STX11: variants seen among roughly 807,000 people sequenced by gnomAD.
STX11 encodes syntaxin 11.
STX11 carries 21 observed loss-of-function variants against 19.9 expected under a neutral mutation model. That is an observed-to-expected ratio of 1.06 (90% CI 0.75 to 1.52). The LOEUF is 1.52. Ranked by LOEUF, STX11 falls within the 40% of genes most tolerant of loss-of-function variation. The pLI, the probability that STX11 is intolerant of heterozygous loss-of-function variation, is 0.00. For synonymous variants in STX11, 193 were observed against 174.4 expected, an observed-to-expected ratio of 1.11 and a Z score of -0.84; for missense variants, 438 against 405.9, an observed-to-expected ratio of 1.08 and a Z score of -0.68.
the STX11 span, among the ~76,000 whole-genome samples, chr6:144,143,513 G>T: frequency 6.6e-6 from 1 of 152,184 alleles, no homozygotes; most frequent in African/African-American, 2.4e-5. Flanking sequence ...ACCAGGAAGG[G>T]AGAGAGAGAC....
At position 144,172,722 on chromosome 6, in the gene STX11, G is replaced by A. The variant is rs1801671577; in HGVS notation, c.-5-13901G>A. On this transcript the variant is annotated intron_variant, in intron 1 of 1. Transcript: ENST00000367568. This position sits in a 1 kb window ranked among gnomAD's most constrained non-coding sequence, Gnocchi z 4.2. ...TTAGCCTCGAAGTCTAGAGACTTATGCCTGATCTGCATGAGATCTAGATAC... is the reference window on the plus strand; with the variant it reads ...TTAGCCTCGAAGTCTAGAGACTTATACCTGATCTGCATGAGATCTAGATAC... Among the ~76,000 whole-genome samples the A allele has an allele frequency of 6.6e-6, 1 of 152,156 alleles. No individual in the cohort carries two copies. The highest frequency in any genetic ancestry group is 2.4e-5 in the African/African-American group (1 of 41,418).
intron 1 of STX11, among the ~76,000 whole-genome samples, chr6:144,161,560 C>T (rs1166254301): frequency 1.3e-5 from 2 of 152,062 alleles, no homozygotes; most frequent in African/African-American, 4.8e-5. Context: ...TAGAGACGAG[C>T]TTTCACCATG....
At chr6:144,145,902 G>A (rs1032309867), upstream of STX11, among the ~76,000 whole-genome samples, 5 of 152,178 alleles carry the variant, frequency 3.3e-5, no homozygotes, top group Non-Finnish European at 5.9e-5. Context: ...CAATGTGAAC[G>A]TACCTGTATT....
In STX11 at chr6:144,186,982, G is replaced by C. The variant is rs866658690; in HGVS notation, c.355G>C (p.Gly119Arg). ...GAGCGAGGCGGCTGAGGCCCAGCAC[G>C]GCCCGCACTCGGCAGTGGCGCGCAT... ...ELSEAAEAQHGPHSAVARISR... is the reference protein window; with the variant it reads ...ELSEAAEAQHRPHSAVARISR... Residue 119 changes from glycine to arginine, a missense_variant, in exon 2 of 2, where the codon GGC (glycine) becomes CGC (arginine). By Grantham distance (125) the Gly-to-Arg change is moderately radical. Coordinates refer to ENST00000367568, the MANE Select transcript of STX11 (RefSeq NM_003764.4). 1.9e-6 allele frequency: 3 copies of C among 1,609,112 alleles called. No homozygotes were observed. Among genetic ancestry groups the C allele is most frequent in the Admixed American group, 1.7e-5 (1 of 59,934 alleles).
Position 144,169,873 on chromosome 6 carries a change from A to G in STX11, c.-5-16750A>G, listed in dbSNP as rs1338255885. On this transcript the variant is annotated intron_variant, in intron 1 of 1. Coordinates refer to ENST00000367568, the MANE Select transcript of STX11 (RefSeq NM_003764.4). This position sits in a 1 kb window ranked among gnomAD's most constrained non-coding sequence, Gnocchi z 5.2. ...GCTTTTGTTTGTTTTTTGTAGAGCC[A>G]TAGTCTCACTATGTTGCTAGTATTG... Among the ~76,000 whole-genome samples, 2 of 152,090 alleles carry G rather than the reference A, an allele frequency of 1.3e-5. No homozygotes were observed. Among genetic ancestry groups the G allele is most frequent in the African/African-American group, 4.8e-5 (2 of 41,418 alleles).
the STX11 span, chr6:144,140,771 G>C: frequency 3.0e-6 from 3 of 985,312 alleles, no homozygotes; most frequent in Non-Finnish European, 3.6e-6. Context: ...ATGGATGAAG[G>C]GGAGGAAGAA....
At chr6:144,164,963 C>T (rs1463561323) in intron 1 of STX11, among the ~76,000 whole-genome samples, 1 of 151,966 alleles carries the variant, frequency 6.6e-6, no homozygotes, top group Non-Finnish European at 1.5e-5. Flanking sequence ...TCCCAAAGTG[C>T]TGGGATTACA....
At chr6:144,166,032 C>T (rs368326412) in intron 1 of STX11, among the ~76,000 whole-genome samples, 3 of 152,298 alleles carry the variant, frequency 2.0e-5, no homozygotes, top group Admixed American at 6.5e-5. Flanking sequence ...TATTAGCAGC[C>T]GTAGGAGTAT....
the STX11 span, chr6:144,140,681 G>A: frequency 1.1e-3 from 965 of 898,014 alleles, 9 homozygotes; most frequent in African/African-American, 0.016. Context: ...TAAACCATCC[G>A]TGAAGAAGGA....
chr6:144,181,492 G>A (rs1297036112), intron 1 of STX11, among the ~76,000 whole-genome samples: 1 of 151,320 alleles, frequency 6.6e-6, no homozygotes, highest in African/African-American at 2.4e-5. Context: ...CTACATGGGA[G>A]GCTGAGGCAG....
rs573623375 is a variant in STX11, at chr6:144,177,872, T to C, written c.-5-8751T>C. 6.6e-6 allele frequency among the ~76,000 whole-genome samples: 1 copy of C among 152,354 alleles called. No homozygotes were observed. Among genetic ancestry groups the C allele is most frequent in the East Asian group, 1.9e-4 (1 of 5,188 alleles). On this transcript the variant is annotated intron_variant, in intron 1 of 1. Coordinates refer to ENST00000367568, the MANE Select transcript of STX11 (RefSeq NM_003764.4). This position sits in a 1 kb window ranked among gnomAD's most constrained non-coding sequence, Gnocchi z 4.4. ...TTATTTCAGAGAGTTAATAATTTTA[T>C]GGATTTTTTTTAAAGTTGTGGTGAC...
chr6:144,186,807 C>G lies in STX11; in HGVS notation c.180C>G (p.Ala60=). ...AGGATGAAAACCAGCTGCTGGTGGC[C>G]GACGTGAAGCGGCTGGGAAAGCAGA... ...DIQDENQLLV[A]DVKRLGKQNA... The change falls in exon 2 of 2, where the codon GCC becomes GCG. Residue 60 remains alanine (A), a synonymous_variant. Transcript: ENST00000367568. 6.2e-6 allele frequency: 10 copies of G among 1,613,720 alleles called. No homozygotes were observed. Among genetic ancestry groups the G allele is most frequent in the Non-Finnish European group, 8.5e-6 (10 of 1,179,984 alleles).
chr6:144,151,500 G>C lies in STX11; in HGVS notation c.-6+797G>C, dbSNP rs1801005576. ...AGGCTTGCTTTAAAATGAGACTCTA[G>C]ATGTGAAATGCCTGCCCTGCCAACC... is the stretch of plus-strand genomic sequence containing the variant. On this transcript the variant is annotated intron_variant, in intron 1 of 1. Coordinates refer to ENST00000367568, the MANE Select transcript of STX11 (RefSeq NM_003764.4). This position sits in a 1 kb window ranked among gnomAD's most constrained non-coding sequence, Gnocchi z 4.6. The C allele has an allele frequency of 1.1e-6, 1 of 921,282 alleles. No individual in the cohort carries two copies. The allele number at this position is 921,282 out of a possible 1,614,324, so 57.1% of individuals were successfully genotyped here.
rs892723432 is a variant in STX11 at position 144,153,514 on chromosome 6, G to A, written c.-6+2811G>A. ...AGAGGGAGGCCTACGGAGACAGGAA[G>A]GGCCAGATCACAAAGGCCCCATGAG... is the stretch of plus-strand genomic sequence containing the variant. On this transcript the variant is annotated intron_variant, in intron 1 of 1. Transcript: ENST00000367568. The surrounding 1 kb of genome is among the most constrained non-coding windows in gnomAD (Gnocchi z 5.0). Among the ~76,000 whole-genome samples the A allele has an allele frequency of 6.6e-5, 10 of 152,178 alleles. No homozygotes were observed. The highest frequency in any genetic ancestry group is 2.4e-4 in the African/African-American group (10 of 41,414).
intron 1 of STX11, among the ~76,000 whole-genome samples, chr6:144,163,566 T>C (rs1801400873): frequency 6.6e-6 from 1 of 152,072 alleles, no homozygotes; most frequent in Non-Finnish European, 1.5e-5. Context: ...CAACCTCTGC[T>C]TCCTGGGCTC....
chr6:144,140,055 C>G, the STX11 span, among the ~76,000 whole-genome samples: 1 of 151,094 alleles, frequency 6.6e-6, no homozygotes, highest in Admixed American at 6.6e-5. Flanking sequence ...AGGAAAGGAG[C>G]GAGGGACTGA....
At position 144,160,067 on chromosome 6, in the gene STX11, A is replaced by C. The variant is rs543553881; in HGVS notation, c.-6+9364A>C. Among the ~76,000 whole-genome samples the C allele has an allele frequency of 9.2e-5, 14 of 152,260 alleles. No homozygotes were observed. The highest frequency in any genetic ancestry group is 1.3e-4 in the Admixed American group (2 of 15,296). Reference sequence around the variant, plus strand: ...GCCCAGGCTGGAATGAAATGGCACAATCTCTGCTCACAGTAACCTCCGCCT... The same window carrying C: ...GCCCAGGCTGGAATGAAATGGCACACTCTCTGCTCACAGTAACCTCCGCCT... On this transcript the variant is annotated intron_variant, in intron 1 of 1. Coordinates refer to ENST00000367568, the MANE Select transcript of STX11 (RefSeq NM_003764.4). The surrounding 1 kb of genome is among the most constrained non-coding windows in gnomAD (Gnocchi z 4.3).
the STX11 span, among the ~76,000 whole-genome samples, chr6:144,141,981 C>G: frequency 1.3e-5 from 2 of 151,920 alleles, no homozygotes; most frequent in Non-Finnish European, 2.9e-5. Flanking sequence ...TGCGCCCGGC[C>G]TCTTCTGTGG....
Position 144,178,101 on chromosome 6 carries a change from C to T in STX11, c.-5-8522C>T, listed in dbSNP as rs527626428. 1.1e-4 allele frequency among the ~76,000 whole-genome samples: 16 copies of T among 152,222 alleles called. No individual in the cohort carries two copies. In the East Asian group the frequency reaches 2.3e-3, roughly 22 times the overall value. On this transcript the variant is annotated intron_variant, in intron 1 of 1. Transcript: ENST00000367568. ...GGGAATACGTTTCCTATTAGACTAACGATTTTAAAAGAAGCCTTCTTGTGG... is the reference window on the plus strand; with the variant it reads ...GGGAATACGTTTCCTATTAGACTAATGATTTTAAAAGAAGCCTTCTTGTGG...
Sources: allele counts gnomAD v4.1 joint callset (sites outside exome capture counted in the v4.1 genomes callset), GRCh38; gene constraint gnomAD v4.1.1; non-coding constraint Gnocchi (gnomAD v3.1); transcripts MANE v1.5; gene names NCBI Gene and HGNC (gene_info 2026-07-23, HGNC 2026-07-21).